Variants in NFASC observed in about 807,000 individuals in gnomAD.
NFASC encodes the protein neurofascin homolog.
NFASC carries 43 observed loss-of-function variants against 147.5 expected under a neutral mutation model. That is an observed-to-expected ratio of 0.29 (90% CI 0.23 to 0.38). The LOEUF is 0.38. Among genes scored for constraint, NFASC ranks in the 10% least tolerant of loss-of-function variants. The pLI, the probability that NFASC is intolerant of heterozygous loss-of-function variation, is 1.00. For missense variants in NFASC, 1,320 were observed against 1,689.0 expected (o/e 0.78, Z 3.83); for synonymous variants, 622 against 665.5 (o/e 0.93, Z 1.01).
intron 2 of NFASC, among the ~76,000 whole-genome samples, chr1:204,923,919 A>G (rs549181891): frequency 6.6e-6 from 1 of 152,252 alleles, no homozygotes; most frequent in Non-Finnish European, 1.5e-5. Context: ...CGCCAAGCCC[A>G]CCTTTCCACC....
chr1:204,954,295 G>C lies in NFASC; in HGVS notation c.323G>C (p.Arg108Pro). Reference sequence around the variant, plus strand: ...GTGATTGACTTCCGCAGTGGCGGGCGGCCGGAGGAATATGAGGGGGAATAT... The same window carrying C: ...GTGATTGACTTCCGCAGTGGCGGGCCGCCGGAGGAATATGAGGGGGAATAT... ...TLVIDFRSGG[R>P]PEEYEGEYQC... Residue 108 changes from arginine (R) to proline (P), a missense_variant, in exon 6 of 30, where the codon CGG becomes CCG. Arg to Pro is a moderately radical substitution (Grantham distance 103). Around this residue, in one of 3 missense-constraint regions of NFASC, gnomAD observed 981 missense variants for 1,289.5 expected, o/e 0.76. Coordinates refer to ENST00000339876, the MANE Select transcript of NFASC (RefSeq NM_001005388.3). This position sits in a 1 kb window ranked among gnomAD's most constrained non-coding sequence, Gnocchi z 5.7. The C allele has an allele frequency of 6.2e-7, 1 of 1,614,184 alleles. No individual in the cohort carries two copies. The highest frequency in any genetic ancestry group is 8.5e-7 in the Non-Finnish European group (1 of 1,180,034).
intron 1 of NFASC, among the ~76,000 whole-genome samples, chr1:204,877,025 T>TATATAA (rs2079029671): frequency 9.9e-6 from 1 of 101,516 alleles, no homozygotes; most frequent in African/African-American, 4.6e-5. Flanking sequence ...TATATATATA[T>TATATAA]ATAATATATA....
intron 1 of NFASC, among the ~76,000 whole-genome samples, chr1:204,879,190 A>G (rs11240300): frequency 0.13 from 20,552 of 152,272 alleles, 2,641 homozygotes; most frequent in East Asian, 0.69. Flanking sequence ...CATGCCAGAC[A>G]CTAGGTGCTT....
chr1:205,021,495 G>A lies in NFASC; in HGVS notation c.*4956G>A, dbSNP rs560791917. The stretch of plus-strand genomic sequence containing the variant: ...GATTTCGGCATGTGAAGGAATCCCA[G>A]AGCTGATCTCATTGAAATGATCTAT... On this transcript the variant is annotated 3_prime_UTR_variant, in exon 30 of 30. Coordinates refer to ENST00000339876, the MANE Select transcript of NFASC (RefSeq NM_001005388.3). 6.5e-6 allele frequency: 1 copy of A among 152,848 alleles called. No homozygotes were observed. Among genetic ancestry groups the A allele is most frequent in the South Asian group, 2.1e-4 (1 of 4,818 alleles). The allele number at this position is 152,848 out of a possible 1,614,324, so 9.5% of individuals were successfully genotyped here.
At chr1:204,860,566 G>T (rs899130573) in intron 1 of NFASC, among the ~76,000 whole-genome samples, 2 of 151,934 alleles carry the variant, frequency 1.3e-5, no homozygotes, top group African/African-American at 4.8e-5. Flanking sequence ...TTTTTCTTTG[G>T]GGAAAAAGGT....
At chr1:204,967,568 C>T (rs2095031321) in intron 8 of NFASC, among the ~76,000 whole-genome samples, 1 of 152,056 alleles carries the variant, frequency 6.6e-6, no homozygotes, top group South Asian at 2.1e-4. Context: ...TTTCTCCCAC[C>T]CCCTCCCCGA....
intron 1 of NFASC, among the ~76,000 whole-genome samples, chr1:204,909,281 C>T (rs569094729): frequency 3.3e-5 from 5 of 152,190 alleles, no homozygotes; most frequent in African/African-American, 9.6e-5. Context: ...TTAGTCATTC[C>T]AATAGGTGTA....
At chr1:204,905,049 A>G (rs1304257898) in intron 1 of NFASC, among the ~76,000 whole-genome samples, 1 of 152,052 alleles carries the variant, frequency 6.6e-6, no homozygotes, top group Non-Finnish European at 1.5e-5. Context: ...CTCCTCCACT[A>G]CCAGAAGCAA....
chr1:204,856,581 C>G (rs1029055628), intron 1 of NFASC, among the ~76,000 whole-genome samples: 3 of 152,136 alleles, frequency 2.0e-5, no homozygotes, highest in Non-Finnish European at 4.4e-5. Flanking sequence ...TTAGCAGATT[C>G]ACAATATTGT....
chr1:204,920,888 G>A (rs2090322018), intron 2 of NFASC, 148 bp downstream of exon 2: 1 of 371,136 alleles, frequency 2.7e-6, no homozygotes, highest in Non-Finnish European at 5.2e-6. Context: ...CTTCTCCCCA[G>A]AGATAGAAGC....
At chr1:204,836,357 G>A (rs1396794146) in intron 1 of NFASC, among the ~76,000 whole-genome samples, 1 of 152,170 alleles carries the variant, frequency 6.6e-6, no homozygotes, top group East Asian at 1.9e-4. Context: ...ATAACAGGAT[G>A]TTAATTATGA....
intron 1 of NFASC, among the ~76,000 whole-genome samples, chr1:204,877,072 ATATATATAATATATTTATT>A (rs1397553933): frequency 0.033 from 3,879 of 117,948 alleles, 381 homozygotes; most frequent in East Asian, 0.2. Context: ...ATATATTTAT[ATATATATAATATATTTATT>A]TATATATTTA....
intron 1 of NFASC, among the ~76,000 whole-genome samples, chr1:204,846,320 G>A (rs980020739): frequency 3.9e-5 from 6 of 152,154 alleles, no homozygotes; most frequent in African/African-American, 1.4e-4. Flanking sequence ...ATTTCTCATA[G>A]TAAGCCATTT....
chr1:205,012,955 G>A, intron 29 of NFASC, 89 bp downstream of exon 29: 2 of 892,894 alleles, frequency 2.2e-6, no homozygotes, highest in South Asian at 1.4e-5. Context: ...CCGCTTGGCT[G>A]AGAGGCCATG....
In NFASC at chr1:204,957,767, G is replaced by A. The variant is rs778241316; in HGVS notation, c.647G>A (p.Arg216His). The A allele has an allele frequency of 5.0e-6, 8 of 1,613,956 alleles. No individual in the cohort carries two copies. Among genetic ancestry groups the A allele is most frequent in the African/African-American group, 1.3e-5 (1 of 74,868 alleles). The change falls in exon 8 of 30, where the codon CGC (arginine) becomes CAC (histidine). Residue 216 changes from arginine (R) to histidine (H), a missense_variant. Physicochemically the swap from Arg to His is conservative, Grantham distance 29. Coordinates refer to ENST00000339876, the MANE Select transcript of NFASC (RefSeq NM_001005388.3). ...DMQTDYSCNA[R>H]FHFTHTIQQK... The stretch of plus-strand genomic sequence containing the variant: ...CAGACCGACTACAGTTGTAACGCCC[G>A]CTTCCACTTCACCCACACCATCCAG...
chr1:204,986,027 A>G lies in NFASC; in HGVS notation c.2471-1391A>G. On this transcript the variant is annotated intron_variant, in intron 21 of 29. Transcript: ENST00000339876. This position sits in a 1 kb window ranked among gnomAD's most constrained non-coding sequence, Gnocchi z 4.2. ...CGTGGTGTCCCGCCTCTTCCCCTACAGTAACTACAAGCTGGAGATGGTTGT... is the reference window on the plus strand; with the variant it reads ...CGTGGTGTCCCGCCTCTTCCCCTACGGTAACTACAAGCTGGAGATGGTTGT... 2.5e-6 allele frequency: 4 copies of G among 1,614,120 alleles called. No homozygotes were observed. Among genetic ancestry groups the G allele is most frequent in the Non-Finnish European group, 3.4e-6 (4 of 1,179,976 alleles).
intron 1 of NFASC, among the ~76,000 whole-genome samples, chr1:204,851,123 A>G (rs1558497532): frequency 6.6e-6 from 1 of 152,212 alleles, no homozygotes; most frequent in East Asian, 1.9e-4. Context: ...AAAGAAGTGC[A>G]TGTAAATCAG....
In NFASC at chr1:204,973,552, G is replaced by A. The variant is rs997677353; in HGVS notation, c.1279+133G>A. The stretch of plus-strand genomic sequence containing the variant: ...AGCTGGGTGAGGTAAGAGGATGTTG[G>A]ATAGGGGAAACATGGAGATGGGAAA... On this transcript the variant is annotated intron_variant, in intron 12 of 29. Coordinates refer to ENST00000339876, the MANE Select transcript of NFASC (RefSeq NM_001005388.3). 28 of 1,147,814 alleles carry A rather than the reference G, an allele frequency of 2.4e-5. 1 individual carries two copies. The Admixed American group carries it at 7.1e-4, about 29-fold the overall frequency. 71.1% of individuals were successfully genotyped at this position (1,147,814 alleles called of 1,614,324 possible).
intron 1 of NFASC, among the ~76,000 whole-genome samples, chr1:204,898,964 T>C (rs1558026581): frequency 6.6e-6 from 1 of 152,126 alleles, no homozygotes; most frequent in African/African-American, 2.4e-5. Context: ...TTGGGGAGCT[T>C]CCAGTCTAAT....
Sources: gnomAD v4.1 joint callset for allele counts (sites outside exome capture counted in the v4.1 genomes callset) on GRCh38, gnomAD v4.1.1 for gene constraint, gnomAD v4.1.1 regional missense constraint, Gnocchi (gnomAD v3.1) non-coding constraint, MANE v1.5 for transcripts, NCBI Gene and HGNC (gene_info 2026-07-23, HGNC 2026-07-21) for gene names.